The following RBM19 variants were observed in gnomAD, a reference collection of about 807,000 sequenced individuals.
The protein encoded by RBM19 is RNA binding motif protein 19, also known as probable RNA-binding protein 19.
Under a neutral mutation model 116.8 loss-of-function variants are expected in RBM19, and 94 were observed. The observed-to-expected ratio is 0.80, with a 90% CI of 0.68 to 0.95. The LOEUF is 0.95. Among genes scored for constraint, RBM19 ranks in the 40% least tolerant of loss-of-function variants. RBM19 has a pLI of 0.00. For synonymous variants in RBM19, 475 were observed against 494.1 expected (o/e 0.96, Z 0.51); for missense variants, 1,161 against 1,220.7 (o/e 0.95, Z 0.73).
downstream of RBM19, among the ~76,000 whole-genome samples, chr12:113,821,656 C>T (rs1009539440): frequency 1.3e-5 from 2 of 152,162 alleles, no homozygotes; most frequent in African/African-American, 4.8e-5. Flanking sequence ...ATGGCTCACA[C>T]CTGTAATTCC....
chr12:113,942,513 A>T lies in RBM19; in HGVS notation c.1627-79T>A, dbSNP rs1268646135. 32 of 1,186,142 alleles carry T rather than the reference A, an allele frequency of 2.7e-5. No individual in the cohort carries two copies. In the South Asian group the frequency reaches 4.2e-4, roughly 16 times the overall value. The allele number at this position is 1,186,142 out of a possible 1,614,324, so 73.5% of individuals were successfully genotyped here. On this transcript the variant is annotated intron_variant, in intron 13 of 23. Transcript: ENST00000261741. ...GGCCCTCCCATCTCCCAACAGCCTG[A>T]AGAGGAGGCTGGGATGGAAATGGAT...
At chr12:113,897,882 C>T (rs1185244540) in intron 21 of RBM19, among the ~76,000 whole-genome samples, 4 of 152,238 alleles carry the variant, frequency 2.6e-5, no homozygotes, top group Admixed American at 2.6e-4. Flanking sequence ...CTGAGCAGAG[C>T]CTCTGGCCAC....
chr12:113,947,294 A>T (rs1050196336), intron 11 of RBM19, 40 bp downstream of exon 11: 1 of 1,541,544 alleles, frequency 6.5e-7, no homozygotes, highest in Non-Finnish European at 8.8e-7. Flanking sequence ...CGACCATGTG[A>T]GCCCCACAGC....
At chr12:113,944,870 T>C (rs1361407300) in intron 13 of RBM19, among the ~76,000 whole-genome samples, 1,602 of 36,694 alleles carry the variant, frequency 0.044, no homozygotes, top group African/African-American at 0.18. Flanking sequence ...TAAAAATGTA[T>C]ATATATATAC....
intron 16 of RBM19, 118 bp from the exon 17 acceptor site, chr12:113,927,347 T>A: frequency 1.6e-6 from 2 of 1,276,130 alleles, no homozygotes; most frequent in African/African-American, 1.5e-5. Flanking sequence ...GGGTTCTGCC[T>A]CTGCGGGCAG....
intron 21 of RBM19, among the ~76,000 whole-genome samples, chr12:113,912,177 T>C (rs10774720): frequency 0.67 from 102,209 of 152,018 alleles, 35,157 homozygotes; most frequent in East Asian, 0.98. Flanking sequence ...GCTAGGAGGC[T>C]GCCTTCTCTC....
intron 21 of RBM19, among the ~76,000 whole-genome samples, chr12:113,868,668 C>T (rs1260581297): frequency 6.6e-6 from 1 of 152,186 alleles, no homozygotes; most frequent in African/African-American, 2.4e-5. Context: ...ACTGGTATTC[C>T]ATGGAATACA....
At chr12:113,919,253 C>T (rs1053968051) in intron 19 of RBM19, among the ~76,000 whole-genome samples, 3 of 152,220 alleles carry the variant, frequency 2.0e-5, no homozygotes, top group African/African-American at 4.8e-5. Flanking sequence ...GATGCATCAT[C>T]TAATGCAAAG....
At chr12:113,936,729 G>A in intron 16 of RBM19, 1 of 293,994 alleles carries the variant, frequency 3.4e-6, no homozygotes, top group Non-Finnish European at 6.3e-6. Flanking sequence ...CAGGAAGGTT[G>A]TTTATACTTG....
intron 13 of RBM19, among the ~76,000 whole-genome samples, chr12:113,942,890 C>G (rs1870703974): frequency 2.6e-5 from 4 of 152,182 alleles, no homozygotes; most frequent in Admixed American, 2.6e-4. Context: ...GGATTACAGG[C>G]GTGAGCCACT....
At chr12:113,914,218 C>T (rs12578857) in intron 21 of RBM19, among the ~76,000 whole-genome samples, 4,784 of 152,360 alleles carry the variant, frequency 0.031, 169 homozygotes, top group East Asian at 0.11. Context: ...ACTGGTCTTA[C>T]GAAGCCTGAG....
chr12:113,841,573 G>A (rs983798536), intron 23 of RBM19, among the ~76,000 whole-genome samples: 16 of 151,986 alleles, frequency 1.1e-4, no homozygotes, highest in African/African-American at 2.7e-4. Flanking sequence ...ATAGGCATGC[G>A]CCACCAAGCC....
chr12:113,938,418 A>C (rs1423821931), intron 15 of RBM19, among the ~76,000 whole-genome samples: 1 of 110,932 alleles, frequency 9.0e-6, no homozygotes, highest in Non-Finnish European at 1.8e-5. Context: ...TCTATCTCTA[A>C]GAATTGCTGG....
At chr12:113,925,599 A>T (rs571181366) in intron 17 of RBM19, among the ~76,000 whole-genome samples, 1 of 152,342 alleles carries the variant, frequency 6.6e-6, no homozygotes, top group East Asian at 1.9e-4. Context: ...GTGCTGAGAC[A>T]GGAGCCCTGG....
intron 23 of RBM19, among the ~76,000 whole-genome samples, chr12:113,830,816 T>C (rs1446536884): frequency 2.0e-5 from 3 of 152,210 alleles, no homozygotes; most frequent in Non-Finnish European, 2.9e-5. Flanking sequence ...CATTAGTTAC[T>C]GATCTCTTTT....
At chr12:113,856,737 A>G (rs1387398017) in intron 22 of RBM19, among the ~76,000 whole-genome samples, 2 of 152,214 alleles carry the variant, frequency 1.3e-5, no homozygotes, top group African/African-American at 4.8e-5. Flanking sequence ...TTCTTATTTC[A>G]GACCATCACC....
intron 23 of RBM19, among the ~76,000 whole-genome samples, chr12:113,826,902 CT>C (rs1408547566): frequency 1.3e-5 from 2 of 152,188 alleles, no homozygotes; most frequent in African/African-American, 4.8e-5. Context: ...CATCTCATTC[CT>C]TTACCTGCCA....
intron 23 of RBM19, among the ~76,000 whole-genome samples, chr12:113,823,930 C>A (rs1186578116): frequency 6.6e-6 from 1 of 152,176 alleles, no homozygotes; most frequent in Non-Finnish European, 1.5e-5. Flanking sequence ...GTGAATAGAA[C>A]AGATGCAAAG....
chr12:113,884,941 C>T (rs981317128), intron 21 of RBM19, among the ~76,000 whole-genome samples: 5 of 151,958 alleles, frequency 3.3e-5, no homozygotes, highest in African/African-American at 1.2e-4. Context: ...AAATAAATAA[C>T]TATGAGGAAA....
Sources: gnomAD v4.1 joint callset for allele counts (sites outside exome capture counted in the v4.1 genomes callset) on GRCh38, gnomAD v4.1.1 for gene constraint, MANE v1.5 for transcripts, NCBI Gene and HGNC (gene_info 2026-07-23, HGNC 2026-07-21) for gene names.